A1CF: variants seen among roughly 807,000 people sequenced by gnomAD.
A1CF encodes APOBEC1 complementation factor.
In A1CF, 48 loss-of-function variants were observed where a neutral mutation model predicts 68.9. That is an observed-to-expected ratio of 0.70 (90% CI 0.55 to 0.89). The LOEUF is 0.89. A1CF is among the 40% of genes least tolerant of loss of function. The probability of loss-of-function intolerance (pLI) is 0.00; values close to 1 mark genes in which losing one functional copy is unlikely to be tolerated. For synonymous variants in A1CF, 272 were observed against 260.4 expected (o/e 1.04, Z -0.43); for missense variants, 653 against 718.9 (o/e 0.91, Z 1.05).
intron 6 of A1CF, among the ~76,000 whole-genome samples, chr10:50,828,877 A>G (rs891305167): frequency 5.9e-5 from 9 of 152,080 alleles, no homozygotes; most frequent in African/African-American, 2.2e-4. Context: ...TTCCCTCTTA[A>G]TCCTCTTTCA....
In A1CF at chr10:50,816,181, C is replaced by T. The variant is rs767053573; in HGVS notation, c.966G>A (p.Met322Ile). Residue 322 changes from methionine to isoleucine, a missense_variant, in exon 9 of 13, where the codon ATG (methionine) becomes ATA (isoleucine). By Grantham distance (10) the Met-to-Ile change is conservative. Transcript: ENST00000373997. ...AAGAGTAGGTATACTCTCCTTGCAG[C>T]ATGGTGCCCCTTCCACCTGTGCCTC... ...YTRGTGGRGT[M>I]LQGEYTYSLG... 109 of 1,613,696 alleles carry T rather than the reference C, an allele frequency of 6.8e-5. No homozygotes were observed. The highest frequency in any genetic ancestry group is 8.6e-5 in the Non-Finnish European group (101 of 1,179,870).
Position 50,805,408 on chromosome 10 carries a change from C to T in A1CF, c.*1321G>A, listed in dbSNP as rs1329869394. 3.3e-5 allele frequency: 5 copies of T among 152,226 alleles called. No homozygotes were observed. Among genetic ancestry groups the T allele is most frequent in the Admixed American group, 2.6e-4 (4 of 15,274 alleles). 9.4% of individuals were successfully genotyped at this position (152,226 alleles called of 1,614,324 possible). A position where few individuals can be genotyped will look rare whatever the true frequency, so the allele number is the denominator to read the frequency against. On this transcript the variant is annotated 3_prime_UTR_variant, in exon 13 of 13. Coordinates refer to ENST00000373997, the MANE Select transcript of A1CF (RefSeq NM_014576.4). ...GTATGGCAAGAAAGTAGTGCCTTCT[C>T]TTTACCTCTGTTCCGTGTTTTGTAG...
Position 50,883,734 on chromosome 10 carries a change from G to A in A1CF, c.-94+1847C>T, listed in dbSNP as rs79491725. 8.8e-3 allele frequency among the ~76,000 whole-genome samples: 1,336 copies of A among 152,298 alleles called. 14 individuals are homozygous for A. The highest frequency in any genetic ancestry group is 0.02 in the Middle Eastern group (6 of 294). On this transcript the variant is annotated intron_variant, in intron 1 of 12. Coordinates refer to ENST00000373997, the MANE Select transcript of A1CF (RefSeq NM_014576.4). ...AAAACGTTGCCTACTCTCTTAGATAGTTGTGATAAATGACAATATTTGCAT... is the reference window on the plus strand; with the variant it reads ...AAAACGTTGCCTACTCTCTTAGATAATTGTGATAAATGACAATATTTGCAT...
intron 2 of A1CF, 51 bp from the exon 3 acceptor site, chr10:50,860,036 A>T (rs1840672701): frequency 1.1e-6 from 1 of 925,224 alleles, no homozygotes; most frequent in Non-Finnish European, 1.7e-6. Context: ...TCAAGTCCAA[A>T]CTTCTCCTTT....
rs571063734 is a variant in A1CF, at chr10:50,803,753, C to A, written c.*2976G>T. On this transcript the variant is annotated 3_prime_UTR_variant, in exon 13 of 13. Transcript: ENST00000373997. ...ACTAATTCAAATTTACTGGATGTTC[C>A]TAAATTATTGTTTTGTTATTATCAC... The A allele has an allele frequency of 4.6e-5, 7 of 152,084 alleles. No homozygotes were observed. Among genetic ancestry groups the A allele is most frequent in the South Asian group, 2.1e-4 (1 of 4,818 alleles). 9.4% of individuals were successfully genotyped at this position (152,084 alleles called of 1,614,324 possible).
chr10:50,864,871 G>A (rs1224694518), intron 1 of A1CF, among the ~76,000 whole-genome samples: 1 of 152,114 alleles, frequency 6.6e-6, no homozygotes, highest in Non-Finnish European at 1.5e-5. Flanking sequence ...GCCAGCCTTG[G>A]CCTCCGAAAG....
intron 6 of A1CF, among the ~76,000 whole-genome samples, chr10:50,829,032 A>G (rs1839108289): frequency 6.6e-6 from 1 of 152,172 alleles, no homozygotes; most frequent in African/African-American, 2.4e-5. Context: ...ATATTTTTGT[A>G]TTACTATGAA....
chr10:50,874,498 A>C (rs779390218), intron 1 of A1CF, among the ~76,000 whole-genome samples: 4 of 152,226 alleles, frequency 2.6e-5, no homozygotes, highest in Non-Finnish European at 5.9e-5. Flanking sequence ...ACAAGGAAAT[A>C]CCAGAAGAGG....
In A1CF at chr10:50,804,447, T is replaced by G. The variant is rs894905754; in HGVS notation, c.*2282A>C. ...CCCTTTGCTGTTTATTTGCAAAGAT[T>G]TTAAGGAAAATCAGAACTTTTGCTC... On this transcript the variant is annotated 3_prime_UTR_variant, in exon 13 of 13. Transcript: ENST00000373997. 1 of 152,212 alleles carries G rather than the reference T, an allele frequency of 6.6e-6. No individual in the cohort carries two copies. Among genetic ancestry groups the G allele is most frequent in the Non-Finnish European group, 1.5e-5 (1 of 68,026 alleles). The allele number at this position is 152,212 out of a possible 1,614,324, so 9.4% of individuals were successfully genotyped here.
intron 6 of A1CF, among the ~76,000 whole-genome samples, chr10:50,831,749 G>A (rs552077735): frequency 3.8e-4 from 58 of 152,058 alleles, no homozygotes; most frequent in Middle Eastern, 6.8e-3. Context: ...AACAAAAACA[G>A]GGCAATGGAT....
chr10:50,840,712 T>A (rs1839735008), intron 5 of A1CF, among the ~76,000 whole-genome samples: 1 of 152,204 alleles, frequency 6.6e-6, no homozygotes, highest in Admixed American at 6.5e-5. Flanking sequence ...ATATTCCAAC[T>A]GTGACCTGTC....
intron 11 of A1CF, among the ~76,000 whole-genome samples, chr10:50,810,384 C>A (rs1356730681): frequency 6.6e-6 from 1 of 152,140 alleles, no homozygotes; most frequent in Non-Finnish European, 1.5e-5. Flanking sequence ...GAGGTCATAT[C>A]TTTGGTCCAA....
intron 1 of A1CF, among the ~76,000 whole-genome samples, chr10:50,880,796 A>G (rs1841733576): frequency 6.6e-6 from 1 of 152,206 alleles, no homozygotes; most frequent in Non-Finnish European, 1.5e-5. Context: ...ATGTTTTGCC[A>G]GTCCCCTGCC....
chr10:50,861,322 T>C (rs1840734893), intron 2 of A1CF, among the ~76,000 whole-genome samples: 1 of 150,256 alleles, frequency 6.7e-6, no homozygotes, highest in African/African-American at 2.4e-5. Context: ...CTACTATTAC[T>C]GATAGCACTA....
At chr10:50,853,629 A>C (rs1196138974) in intron 3 of A1CF, among the ~76,000 whole-genome samples, 1 of 152,140 alleles carries the variant, frequency 6.6e-6, no homozygotes, top group Non-Finnish European at 1.5e-5. Context: ...TGGGCAGCAC[A>C]AGAAGGGATG....
intron 4 of A1CF, among the ~76,000 whole-genome samples, chr10:50,842,471 C>T (rs773861909): frequency 8.5e-5 from 13 of 152,222 alleles, no homozygotes; most frequent in African/African-American, 2.4e-4. Context: ...ATTAGCTGAG[C>T]GTGGTGGCAC....
chr10:50,882,810 C>T (rs978106116), intron 1 of A1CF, among the ~76,000 whole-genome samples: 1 of 152,064 alleles, frequency 6.6e-6, no homozygotes, highest in African/African-American at 2.4e-5. Flanking sequence ...AACCATTGTG[C>T]AATAGTACCC....
intron 1 of A1CF, among the ~76,000 whole-genome samples, chr10:50,880,116 C>T (rs4935195): frequency 1 from 152,273 of 152,288 alleles, 76,129 homozygotes; most frequent in Non-Finnish European, 1. Flanking sequence ...AAAACCCAAG[C>T]TGGGGAACCC....
At chr10:50,831,437 A>T (rs1390209416) in intron 6 of A1CF, among the ~76,000 whole-genome samples, 2 of 152,180 alleles carry the variant, frequency 1.3e-5, no homozygotes, top group Non-Finnish European at 2.9e-5. Flanking sequence ...CCAATTAAAA[A>T]TGGGCAAAAG....
Sources: gnomAD v4.1 joint callset for allele counts (sites outside exome capture counted in the v4.1 genomes callset) on GRCh38, gnomAD v4.1.1 for gene constraint, MANE v1.5 for transcripts, NCBI Gene and HGNC (gene_info 2026-07-23, HGNC 2026-07-21) for gene names.